Variants in BTNL8 observed in about 807,000 individuals in gnomAD.
BTNL8 encodes the protein butyrophilin-like protein 8.
In BTNL8, 22 loss-of-function variants were observed where a neutral mutation model predicts 36.1. The observed-to-expected ratio is 0.61, with a 90% CI of 0.44 to 0.87. The LOEUF (loss-of-function observed/expected upper bound fraction) is 0.87, where lower values mean the gene tolerates loss of function less well. Among genes scored for constraint, BTNL8 ranks in the 40% least tolerant of loss-of-function variants. The pLI, the probability that BTNL8 is intolerant of heterozygous loss-of-function variation, is 0.00. For synonymous variants in BTNL8, 203 were observed against 235.6 expected, an observed-to-expected ratio of 0.86 and a Z score of 1.27; for missense variants, 526 against 616.9, an observed-to-expected ratio of 0.85 and a Z score of 1.56.
rs1051625940 is a variant in BTNL8 at position 180,904,839 on chromosome 5, C to T, written c.50-3747C>T. Among the ~76,000 whole-genome samples, 6 of 151,804 alleles carry T rather than the reference C, an allele frequency of 4.0e-5. No individual in the cohort carries two copies. In the East Asian group the frequency reaches 5.8e-4, roughly 15 times the overall value. Reference sequence around the variant, plus strand: ...ATGCTGGATTACATTTATTGATTTGCGTATATTGAACCAGCCTTGCATCCC... The same window carrying T: ...ATGCTGGATTACATTTATTGATTTGTGTATATTGAACCAGCCTTGCATCCC... On this transcript the variant is annotated intron_variant, in intron 1 of 7. Transcript: ENST00000340184.
chr5:180,936,254 AAAAG>A (rs1330683647), intron 3 of BTNL8, among the ~76,000 whole-genome samples: 1 of 152,138 alleles, frequency 6.6e-6, no homozygotes, highest in Non-Finnish European at 1.5e-5. Flanking sequence ...ACAGTTAGGC[AAAAG>A]AAAGAAAGAA....
intron 3 of BTNL8, among the ~76,000 whole-genome samples, chr5:180,926,751 G>A (rs1758121365): frequency 6.6e-6 from 1 of 152,200 alleles, no homozygotes; most frequent in African/African-American, 2.4e-5. Context: ...CAAAGCCTCT[G>A]TAGCCAGACT....
chr5:180,947,962 G>A, intron 4 of BTNL8: 1 of 742,328 alleles, frequency 1.3e-6, no homozygotes, highest in East Asian at 2.6e-5. Flanking sequence ...AAAGGAGGAA[G>A]CAAAAGTGAC....
chr5:180,922,900 A>T (rs1362738604), intron 3 of BTNL8, among the ~76,000 whole-genome samples: 1 of 152,050 alleles, frequency 6.6e-6, no homozygotes, highest in Non-Finnish European at 1.5e-5. Flanking sequence ...TATATTCAGG[A>T]TAGTTATGTT....
chr5:180,931,100 A>T (rs542072127), intron 3 of BTNL8, among the ~76,000 whole-genome samples: 28 of 152,290 alleles, frequency 1.8e-4, no homozygotes, highest in Non-Finnish European at 3.5e-4. Context: ...CATAGTACTG[A>T]TACAAAAACA....
intron 2 of BTNL8, among the ~76,000 whole-genome samples, chr5:180,910,579 C>T (rs1370398151): frequency 2.0e-5 from 3 of 152,174 alleles, no homozygotes; most frequent in African/African-American, 7.2e-5. Context: ...CAGTTAGCTT[C>T]CCTCATGCTA....
chr5:180,947,468 TTTTG>T, intron 3 of BTNL8, 40 bp from the exon 4 acceptor site: 1 of 1,603,102 alleles, frequency 6.2e-7, no homozygotes, highest in Non-Finnish European at 8.5e-7. Context: ...GAATTGTGTC[TTTTG>T]TTCACCAATA....
At chr5:180,920,102 T>C (rs1021891909) in intron 3 of BTNL8, among the ~76,000 whole-genome samples, 1 of 152,170 alleles carries the variant, frequency 6.6e-6, no homozygotes, top group African/African-American at 2.4e-5. Flanking sequence ...ACAAGCATCA[T>C]ACTACCTGAT....
intron 7 of BTNL8, 159 bp downstream of exon 7, chr5:180,949,424 C>A: frequency 1.8e-6 from 2 of 1,090,664 alleles, no homozygotes; most frequent in Non-Finnish European, 2.6e-6. Context: ...GGGTTCAGTG[C>A]CCCCAGACAC....
rs1488887638 is a variant in BTNL8 at position 180,949,529 on chromosome 5, TA to T, written c.862+265del. 1.4e-5 allele frequency: 8 copies of T among 574,800 alleles called. 3 individuals carry two copies. Among genetic ancestry groups the T allele is most frequent in the Non-Finnish European group, 2.4e-5 (8 of 340,056 alleles). 35.6% of individuals were successfully genotyped at this position (574,800 alleles called of 1,614,324 possible). ...CACAGTTTCAGGGAATTGAGGGCAC[TA>T]GTGACTGGTCAGGGGTCTGAGCTGA... On this transcript the variant is annotated intron_variant, in intron 7 of 7. Transcript: ENST00000340184.
At chr5:180,938,354 C>T (rs1758754769) in intron 3 of BTNL8, among the ~76,000 whole-genome samples, 1 of 152,072 alleles carries the variant, frequency 6.6e-6, no homozygotes, top group South Asian at 2.1e-4. Context: ...TTCCAGGAAG[C>T]TTAAAAGTTT....
At chr5:180,938,323 G>A (rs1471088013) in intron 3 of BTNL8, among the ~76,000 whole-genome samples, 1 of 152,124 alleles carries the variant, frequency 6.6e-6, no homozygotes, top group East Asian at 1.9e-4. Flanking sequence ...TGCAAGTCCT[G>A]GAAGAGATGT....
intron 3 of BTNL8, 148 bp from the exon 4 acceptor site, chr5:180,947,364 C>G (rs1336989680): frequency 2.4e-5 from 27 of 1,132,800 alleles, no homozygotes; most frequent in Non-Finnish European, 3.2e-5. Flanking sequence ...CATTTTATAA[C>G]AAAAGTACAA....
chr5:180,924,129 AG>A (rs1757992036), intron 3 of BTNL8, among the ~76,000 whole-genome samples: 1 of 152,164 alleles, frequency 6.6e-6, no homozygotes, highest in Non-Finnish European at 1.5e-5. Flanking sequence ...TCAGCAGCTG[AG>A]CAGCGACTCA....
At chr5:180,906,478 T>C (rs1213814889) in intron 1 of BTNL8, among the ~76,000 whole-genome samples, 1 of 124,572 alleles carries the variant, frequency 8.0e-6, no homozygotes, top group African/African-American at 3.9e-5. Flanking sequence ...CTTTATCCAA[T>C]TTGCCAGTCT....
chr5:180,908,723 G>A lies in BTNL8; in HGVS notation c.187G>A (p.Val63Met), dbSNP rs980885383. Reference sequence around the variant, plus strand: ...GTTCTTCAGGGGCCAGTTCTCTAGCGTGGTCCACCTCTACAGGGACGGGAA... The same window carrying A: ...GTTCTTCAGGGGCCAGTTCTCTAGCATGGTCCACCTCTACAGGGACGGGAA... ...VRFFRGQFSS[V>M]VHLYRDGKDQ... The change falls in exon 2 of 8, where the codon GTG becomes ATG. Residue 63 changes from valine to methionine, a missense_variant. Val to Met is a conservative substitution (Grantham distance 21). Around this residue, in one of 2 missense-constraint regions of BTNL8, gnomAD observed 350 missense variants for 324.6 expected, o/e 1.08. Coordinates refer to ENST00000340184, the MANE Select transcript of BTNL8 (RefSeq NM_001040462.3). 1.7e-5 allele frequency: 28 copies of A among 1,614,082 alleles called. 1 individual carries two copies. The highest frequency in any genetic ancestry group is 6.7e-5 in the East Asian group (3 of 44,894).
intron 3 of BTNL8, among the ~76,000 whole-genome samples, chr5:180,919,083 C>A (rs1757761778): frequency 6.6e-6 from 1 of 152,184 alleles, no homozygotes; most frequent in Non-Finnish European, 1.5e-5. Context: ...GCAGCTTTGC[C>A]AGGCTATTTC....
chr5:180,929,656 C>T (rs1472771421), intron 3 of BTNL8, among the ~76,000 whole-genome samples: 1 of 152,162 alleles, frequency 6.6e-6, no homozygotes, highest in Non-Finnish European at 1.5e-5. Context: ...CACAGAAATA[C>T]AAACTACAAT....
At chr5:180,930,281 A>G (rs912884409) in intron 3 of BTNL8, among the ~76,000 whole-genome samples, 1 of 152,218 alleles carries the variant, frequency 6.6e-6, no homozygotes, top group Admixed American at 6.5e-5. Flanking sequence ...AAAAACTCTC[A>G]ATAAATTAGA....
Sources: gnomAD v4.1 joint callset for allele counts (sites outside exome capture counted in the v4.1 genomes callset) on GRCh38, gnomAD v4.1.1 for gene constraint, gnomAD v4.1.1 regional missense constraint, MANE v1.5 for transcripts, NCBI Gene and HGNC (gene_info 2026-07-23, HGNC 2026-07-21) for gene names.